TOX3: variants seen among roughly 807,000 people sequenced by gnomAD.
The protein encoded by TOX3 is CAG trinucleotide repeat-containing gene F9 protein.
In TOX3, 22 loss-of-function variants were observed where a neutral mutation model predicts 64.3. That is an observed-to-expected ratio of 0.34 (90% CI 0.24 to 0.49). The LOEUF (loss-of-function observed/expected upper bound fraction) is 0.49. TOX3 is among the 20% of genes least tolerant of loss of function. TOX3 has a pLI of 0.99. For synonymous variants in TOX3, 291 were observed against 273.6 expected (o/e 1.06, Z -0.63); for missense variants, 661 against 714.4 (o/e 0.93, Z 0.85).
chr16:52,535,907 A>G (rs946695039), intron 1 of TOX3, among the ~76,000 whole-genome samples: 6 of 152,268 alleles, frequency 3.9e-5, no homozygotes, highest in Admixed American at 6.5e-5. Flanking sequence ...AATAGGGATC[A>G]TCACAACTGT....
intron 1 of TOX3, among the ~76,000 whole-genome samples, chr16:52,491,470 T>C (rs1248004536): frequency 2.6e-5 from 4 of 152,208 alleles, no homozygotes; most frequent in African/African-American, 9.6e-5. Context: ...TTATTTCATT[T>C]AGATTTGTCA....
chr16:52,452,266 T>C (rs1960373841), intron 3 of TOX3, among the ~76,000 whole-genome samples: 1 of 152,200 alleles, frequency 6.6e-6, no homozygotes, highest in African/African-American at 2.4e-5. Context: ...TGTATGCTGT[T>C]TTGATAAGCT....
intron 1 of TOX3, among the ~76,000 whole-genome samples, chr16:52,499,185 AG>A (rs1217968612): frequency 3.9e-5 from 6 of 152,242 alleles, no homozygotes; most frequent in Non-Finnish European, 8.8e-5. Flanking sequence ...CTATGATCAC[AG>A]GGGAAAAATT....
chr16:52,481,764 A>G (rs1041413635), intron 1 of TOX3, among the ~76,000 whole-genome samples: 3 of 152,232 alleles, frequency 2.0e-5, no homozygotes, highest in Non-Finnish European at 4.4e-5. Context: ...TATCTTGATT[A>G]CATACATTTT....
At position 52,445,990 on chromosome 16, in the gene TOX3, T is replaced by G. The variant is rs1243836859; in HGVS notation, c.906+4A>C. The stretch of plus-strand genomic sequence containing the variant: ...GATGGAGCCTTGATGGGTCTTTGTC[T>G]CACCTGCTTTTGTTCTTCTCCAAGG... On this transcript the variant is annotated splice_donor_region_variant and intron_variant, in intron 5 of 6. Coordinates refer to ENST00000219746, the MANE Select transcript of TOX3 (RefSeq NM_001080430.4). The G allele has an allele frequency of 6.2e-7, 1 of 1,612,134 alleles. No individual in the cohort carries two copies. Among genetic ancestry groups the G allele is most frequent in the African/African-American group, 1.3e-5 (1 of 75,014 alleles).
At chr16:52,486,096 A>C (rs991575925) in intron 1 of TOX3, among the ~76,000 whole-genome samples, 2 of 151,930 alleles carry the variant, frequency 1.3e-5, no homozygotes, top group African/African-American at 4.8e-5. Flanking sequence ...TTCATGTGAG[A>C]CTCTTTGTGA....
At chr16:52,510,778 A>AGAAG (rs1555486746) in intron 1 of TOX3, among the ~76,000 whole-genome samples, 7 of 115,138 alleles carry the variant, frequency 6.1e-5, no homozygotes, top group Admixed American at 3.1e-4. Flanking sequence ...AAAAAAAAAA[A>AGAAG]AAGAAGAAGA....
At chr16:52,447,438 C>A (rs144849552) in intron 4 of TOX3, among the ~76,000 whole-genome samples, 1 of 152,238 alleles carries the variant, frequency 6.6e-6, no homozygotes, top group East Asian at 1.9e-4. Flanking sequence ...TACTAAAATT[C>A]TTAGGGAGGA....
At position 52,519,689 on chromosome 16, in the gene TOX3, C is replaced by T. The variant is rs112471300; in HGVS notation, c.87+26948G>A. ...AGTAGTAGAATGGGCTGGGCGCAGT[C>T]GCTCACACCTGTAATCCCAGCACTT... On this transcript the variant is annotated intron_variant, in intron 1 of 6. Coordinates refer to ENST00000219746, the MANE Select transcript of TOX3 (RefSeq NM_001080430.4). 3,468 of 1,020,818 alleles carry T rather than the reference C, an allele frequency of 3.4e-3. 80 individuals carry two copies. In the African/African-American group the frequency reaches 0.048, roughly 14 times the overall value. 63.2% of individuals were successfully genotyped at this position (1,020,818 alleles called of 1,614,324 possible). A position where few individuals can be genotyped will look rare whatever the true frequency, so the allele number is the denominator to read the frequency against.
chr16:52,478,538 T>C (rs769725837), intron 1 of TOX3, among the ~76,000 whole-genome samples: 3 of 152,216 alleles, frequency 2.0e-5, no homozygotes, highest in Non-Finnish European at 4.4e-5. Context: ...GATTTATTTG[T>C]CCATTCACTA....
chr16:52,499,550 A>G (rs1961948210), intron 1 of TOX3, among the ~76,000 whole-genome samples: 1 of 152,216 alleles, frequency 6.6e-6, no homozygotes. Context: ...GATTCTACGA[A>G]TCCACAAGAA....
intron 1 of TOX3, among the ~76,000 whole-genome samples, chr16:52,527,287 T>A (rs907802178): frequency 6.6e-6 from 1 of 152,008 alleles, no homozygotes; most frequent in African/African-American, 2.4e-5. Flanking sequence ...GAACAAGAAA[T>A]CAAAACCCTC....
chr16:52,502,686 T>G (rs1320513759), intron 1 of TOX3, among the ~76,000 whole-genome samples: 1 of 152,314 alleles, frequency 6.6e-6, no homozygotes. Context: ...TTTTTTAATA[T>G]TACAAATTTT....
At chr16:52,505,542 T>C (rs1962135829) in intron 1 of TOX3, among the ~76,000 whole-genome samples, 1 of 152,216 alleles carries the variant, frequency 6.6e-6, no homozygotes, top group Non-Finnish European at 1.5e-5. Flanking sequence ...ATGAAGCTCG[T>C]GACTGGATTT....
intron 1 of TOX3, among the ~76,000 whole-genome samples, chr16:52,541,063 G>C (rs932636567): frequency 2.0e-5 from 3 of 152,050 alleles, no homozygotes; most frequent in South Asian, 2.1e-4. Context: ...TCAAAGTGTA[G>C]TCTACAGACC....
intron 3 of TOX3, among the ~76,000 whole-genome samples, chr16:52,451,777 T>C (rs921140323): frequency 6.6e-6 from 1 of 152,246 alleles, no homozygotes; most frequent in Admixed American, 6.5e-5. Flanking sequence ...GAATAAATTA[T>C]GGTCTACCCA....
intron 1 of TOX3, among the ~76,000 whole-genome samples, chr16:52,483,564 G>GTTTTTTTTT (rs11304815): frequency 7.0e-5 from 7 of 99,442 alleles, no homozygotes; most frequent in Admixed American, 1.2e-4. Flanking sequence ...GGGCAGTTTG[G>GTTTTTTTTT]TTTTTTTTTT....
At chr16:52,513,459 T>C (rs951543214) in intron 1 of TOX3, among the ~76,000 whole-genome samples, 1 of 152,200 alleles carries the variant, frequency 6.6e-6, no homozygotes, top group African/African-American at 2.4e-5. Context: ...GAATTAAAAT[T>C]ATAGAAATCT....
At chr16:52,530,596 C>T (rs1157667627) in intron 1 of TOX3, among the ~76,000 whole-genome samples, 1 of 152,102 alleles carries the variant, frequency 6.6e-6, no homozygotes, top group African/African-American at 2.4e-5. Context: ...ATATGCCCTG[C>T]CTCGGCCTCC....
Sources: gnomAD v4.1 joint callset for allele counts (sites outside exome capture counted in the v4.1 genomes callset) on GRCh38, gnomAD v4.1.1 for gene constraint, MANE v1.5 for transcripts, NCBI Gene and HGNC (gene_info 2026-07-23, HGNC 2026-07-21) for gene names.